KIAA1217: variants seen among roughly 807,000 people sequenced by gnomAD.
The protein encoded by KIAA1217 is KIAA1217, also known as sickle tail protein homolog.
KIAA1217 carries 88 observed loss-of-function variants against 163.9 expected under a neutral mutation model. That is an observed-to-expected ratio of 0.54 (90% CI 0.45 to 0.64). The LOEUF (loss-of-function observed/expected upper bound fraction) is 0.64. KIAA1217 is among the 30% of genes least tolerant of loss of function. The probability of loss-of-function intolerance (pLI) is 0.00; values close to 1 mark genes in which losing one functional copy is unlikely to be tolerated. For missense variants in KIAA1217, 2,372 were observed against 2,475.0 expected (o/e 0.96, Z 0.88); for synonymous variants, 903 against 923.1 (o/e 0.98, Z 0.39).
At chr10:24,139,640 A>G (rs1325575969) in intron 2 of KIAA1217, among the ~76,000 whole-genome samples, 2 of 152,188 alleles carry the variant, frequency 1.3e-5, no homozygotes, top group African/African-American at 4.8e-5. Flanking sequence ...AACAACTTAC[A>G]TAATTTATTT....
intron 1 of KIAA1217, among the ~76,000 whole-genome samples, chr10:23,769,806 A>G (rs1834715655): frequency 6.6e-6 from 1 of 152,196 alleles, no homozygotes; most frequent in African/African-American, 2.4e-5. Flanking sequence ...TGTTTTATCA[A>G]AGGAGTAGGA....
intron 1 of KIAA1217, among the ~76,000 whole-genome samples, chr10:23,824,658 A>AAAAAAAAAAAAAAAAAAATATAT (rs1837805755): frequency 1.9e-5 from 1 of 53,040 alleles, no homozygotes; most frequent in African/African-American, 6.5e-5. Context: ...AAATAAAAAA[A>AAAAAAAAAAAAAAAAAAATATAT]ATATATATAT....
intron 1 of KIAA1217, among the ~76,000 whole-genome samples, chr10:23,928,797 A>G (rs1280026472): frequency 6.6e-6 from 1 of 152,242 alleles, no homozygotes; most frequent in Non-Finnish European, 1.5e-5. Flanking sequence ...CACAGGCAAT[A>G]TGGTTCCAGA....
At chr10:24,109,514 G>T (rs150961844) in intron 2 of KIAA1217, among the ~76,000 whole-genome samples, 1 of 152,212 alleles carries the variant, frequency 6.6e-6, no homozygotes, top group East Asian at 1.9e-4. Context: ...CTGCACTGGA[G>T]AAAACCAGGG....
chr10:24,524,267 T>A (rs972493143), intron 12 of KIAA1217, 56 bp from the exon 13 acceptor site: 73 of 1,546,482 alleles, frequency 4.7e-5, no homozygotes, highest in Non-Finnish European at 6.2e-5. Context: ...CCTGCAAGTA[T>A]ACCACCATGA....
intron 2 of KIAA1217, among the ~76,000 whole-genome samples, chr10:24,353,414 G>A (rs190900709): frequency 5.9e-5 from 9 of 151,920 alleles, no homozygotes; most frequent in Admixed American, 2.0e-4. Flanking sequence ...GAAGCTCCGC[G>A]GTACCTTTTA....
chr10:24,144,735 T>C (rs1564751611), intron 2 of KIAA1217, among the ~76,000 whole-genome samples: 1 of 152,158 alleles, frequency 6.6e-6, no homozygotes, highest in Non-Finnish European at 1.5e-5. Context: ...ATCAAATATC[T>C]TTAGGACAAT....
At chr10:23,714,975 G>A (rs916458072) in intron 1 of KIAA1217, among the ~76,000 whole-genome samples, 1 of 152,184 alleles carries the variant, frequency 6.6e-6, no homozygotes, top group African/African-American at 2.4e-5. Context: ...GGAAAGACAA[G>A]AACGCTATGT....
intron 1 of KIAA1217, among the ~76,000 whole-genome samples, chr10:23,953,817 A>G (rs1844443336): frequency 3.3e-5 from 5 of 152,240 alleles, no homozygotes; most frequent in Admixed American, 3.3e-4. Context: ...ATACTCAGTT[A>G]TATCAAGTGT....
chr10:24,395,899 C>T (rs970896473), intron 3 of KIAA1217, among the ~76,000 whole-genome samples: 1 of 152,106 alleles, frequency 6.6e-6, no homozygotes, highest in African/African-American at 2.4e-5. Context: ...CCAGGCTGGT[C>T]TCAAGCTTCA....
chr10:23,952,274 A>T (rs1844373205), intron 1 of KIAA1217, among the ~76,000 whole-genome samples: 1 of 152,132 alleles, frequency 6.6e-6, no homozygotes, highest in Non-Finnish European at 1.5e-5. Context: ...ACATTTTCTG[A>T]GTTGGAAGTG....
At chr10:24,476,103 A>T (rs2133150399) in intron 6 of KIAA1217, among the ~76,000 whole-genome samples, 1 of 152,320 alleles carries the variant, frequency 6.6e-6, no homozygotes, top group Middle Eastern at 3.4e-3. Context: ...CTGAATTTGC[A>T]TGAAAACAGA....
intron 2 of KIAA1217, among the ~76,000 whole-genome samples, chr10:24,337,658 T>G (rs1379840600): frequency 2.9e-5 from 4 of 140,252 alleles, no homozygotes; most frequent in Non-Finnish European, 4.6e-5. Flanking sequence ...TTCTTTTTTT[T>G]TTTTGAGACG....
intron 1 of KIAA1217, among the ~76,000 whole-genome samples, chr10:23,879,691 G>A (rs1338913819): frequency 3.3e-5 from 5 of 151,898 alleles, no homozygotes; most frequent in Non-Finnish European, 5.9e-5. Flanking sequence ...ATGAGTTTCT[G>A]TATAAAAGAG....
rs183005730 is a variant in KIAA1217, at chr10:24,540,625, C to T, written c.3535-2068C>T. On this transcript the variant is annotated intron_variant, in intron 17 of 20. Coordinates refer to ENST00000376454, the MANE Select transcript of KIAA1217 (RefSeq NM_019590.5). Reference sequence around the variant, plus strand: ...AAATAGACCCCCAGAACATCTGCCACGTGTGTGTCTTTAGATCACATGCCA... The same window carrying T: ...AAATAGACCCCCAGAACATCTGCCATGTGTGTGTCTTTAGATCACATGCCA... Among the ~76,000 whole-genome samples, 159 of 152,318 alleles carry T rather than the reference C, an allele frequency of 1.0e-3. 1 individual carries two copies. The highest frequency in any genetic ancestry group is 3.6e-3 in the African/African-American group (151 of 41,574).
At chr10:24,211,721 AG>A (rs1337907289) in intron 1 of KIAA1217, among the ~76,000 whole-genome samples, 2 of 151,858 alleles carry the variant, frequency 1.3e-5, no homozygotes, top group African/African-American at 4.8e-5. Context: ...AGGGAAGGGC[AG>A]GGAGGCCTTT....
At chr10:23,727,310 C>T (rs2130779140) in intron 1 of KIAA1217, among the ~76,000 whole-genome samples, 2 of 151,764 alleles carry the variant, frequency 1.3e-5, no homozygotes, top group Middle Eastern at 6.8e-3. Flanking sequence ...TCTGTAATCC[C>T]AGCACTTTGG....
intron 1 of KIAA1217, among the ~76,000 whole-genome samples, chr10:23,720,820 A>G (rs1407542257): frequency 6.6e-6 from 1 of 152,218 alleles, no homozygotes; most frequent in Non-Finnish European, 1.5e-5. Flanking sequence ...ATGTAGGTAT[A>G]TTAACTACTT....
chr10:24,106,763 C>A (rs1409991063), intron 2 of KIAA1217, among the ~76,000 whole-genome samples: 2 of 152,158 alleles, frequency 1.3e-5, no homozygotes, highest in Non-Finnish European at 2.9e-5. Context: ...CATAATTTTT[C>A]TGCCTAAATA....
Sources: allele counts gnomAD v4.1 joint callset (sites outside exome capture counted in the v4.1 genomes callset), GRCh38; gene constraint gnomAD v4.1.1; transcripts MANE v1.5; gene names NCBI Gene and HGNC (gene_info 2026-07-23, HGNC 2026-07-21).